The following RPS6KA6 variants were observed in gnomAD, a reference collection of about 807,000 sequenced individuals.
RPS6KA6 encodes ribosomal protein S6 kinase A6, also known as ribosomal protein S6 kinase alpha-6.
Under a neutral mutation model 65.4 loss-of-function variants are expected in RPS6KA6, and 27 were observed. The observed-to-expected ratio is 0.41, with a 90% CI of 0.30 to 0.57. RPS6KA6 has a LOEUF of 0.57. RPS6KA6 is among the 20% of genes least tolerant of loss of function. The probability of loss-of-function intolerance (pLI) is 0.24; values close to 1 mark genes in which losing one functional copy is unlikely to be tolerated. For missense variants in RPS6KA6, 486 were observed against 555.6 expected, an observed-to-expected ratio of 0.87 and a Z score of 1.26; for synonymous variants, 190 against 184.2, an observed-to-expected ratio of 1.03 and a Z score of -0.26.
intron 3 of RPS6KA6, among the ~76,000 whole-genome samples, chrX:84,154,462 A>C: frequency 8.9e-6 from 1 of 111,953 alleles, no homozygotes; most frequent in Non-Finnish European, 1.9e-5. Context: ...ATTTAAGTCA[A>C]ATATTTAAGC....
intron 20 of RPS6KA6, among the ~76,000 whole-genome samples, chrX:84,080,638 C>G (rs1190242441): frequency 9.5e-6 from 1 of 105,214 alleles, no homozygotes; most frequent in Non-Finnish European, 1.9e-5. Flanking sequence ...TAATAGATAT[C>G]TACAGAACTC....
chrX:84,080,000 T>C (rs2033757289), intron 20 of RPS6KA6, among the ~76,000 whole-genome samples: 1 of 111,604 alleles, frequency 9.0e-6, no homozygotes, highest in South Asian at 3.8e-4. Flanking sequence ...CCTCCTCAAG[T>C]AGGTCCCTGG....
At position 84,059,283 on chromosome X, in the gene RPS6KA6, C is replaced by T. The variant is rs1159492246; in HGVS notation, c.*4994G>A. 1 of 108,061 alleles carries T rather than the reference C, an allele frequency of 9.3e-6. No homozygotes were observed. The highest frequency in any genetic ancestry group is 2.9e-4 in the East Asian group (1 of 3,451). The allele number at this position is 108,061 out of a possible 1,213,427, so 8.9% of individuals were successfully genotyped here. A position where few individuals can be genotyped will look rare whatever the true frequency, so the allele number is the denominator to read the frequency against. On this transcript the variant is annotated 3_prime_UTR_variant, in exon 22 of 22. Transcript: ENST00000262752. ...AGTAGCTGGGATTACAGGCATGCGC[C>T]ACCACACCTGGCTAACTTTGTATTT...
intron 1 of RPS6KA6, among the ~76,000 whole-genome samples, chrX:84,184,089 T>C (rs949573376): frequency 1.8e-5 from 2 of 112,495 alleles, no homozygotes; most frequent in African/African-American, 6.5e-5. Flanking sequence ...CAGCCAGATA[T>C]AATAAATGAA....
At position 84,152,924 on chromosome X, in the gene RPS6KA6, A is replaced by G. The variant is rs764220241; in HGVS notation, c.258+3151T>C. 5.4e-5 allele frequency among the ~76,000 whole-genome samples: 6 copies of G among 111,785 alleles called. 1 individual carries two copies. In the South Asian group the frequency reaches 2.2e-3, roughly 41 times the overall value. ...TGGACCTAAAAACGTATCTATATTG[A>G]TAAGAGGCTTCTTTTCAGTCACCCT... On this transcript the variant is annotated intron_variant, in intron 3 of 21. Transcript: ENST00000262752.
chrX:84,167,418 C>T (rs1472753781), intron 1 of RPS6KA6, among the ~76,000 whole-genome samples: 1 of 111,779 alleles, frequency 8.9e-6, no homozygotes, highest in Admixed American at 9.5e-5. Flanking sequence ...AGCGTTTCTG[C>T]TAACTGAAAG....
intron 20 of RPS6KA6, among the ~76,000 whole-genome samples, chrX:84,094,113 G>A (rs1184544633): frequency 9.1e-6 from 1 of 110,016 alleles, no homozygotes; most frequent in Non-Finnish European, 1.9e-5. Flanking sequence ...TATAGAAAGT[G>A]GTGAGGAGCT....
chrX:84,187,876 G>C lies in RPS6KA6; in HGVS notation c.24C>G (p.Asp8Glu). 1.7e-6 allele frequency: 2 copies of C among 1,201,115 alleles called. No homozygotes were observed. The highest frequency in any genetic ancestry group is 4.6e-4 in the Middle Eastern group (2 of 4,312). MLPFAPQ[D>E]EPWDREMEVF... is the part of the protein sequence containing the mutation. ...CTTCCATTTCTCGGTCCCAGGGCTC[G>C]TCCTGAGGAGCGAATGGTAGCATCT... The change falls in exon 1 of 22, where the codon GAC becomes GAG. Residue 8 changes from aspartate to glutamate, a missense_variant. By Grantham distance (45) the Asp-to-Glu change is conservative. Around this residue, in one of 3 missense-constraint regions of RPS6KA6, gnomAD observed 106 missense variants for 105.0 expected, o/e 1.01. Transcript: ENST00000262752.
chrX:84,106,063 T>G (rs1166751787), intron 15 of RPS6KA6, among the ~76,000 whole-genome samples, 187 bp from the exon 16 acceptor site: 1 of 111,518 alleles, frequency 9.0e-6, no homozygotes, highest in Non-Finnish European at 1.9e-5. Flanking sequence ...ATTTTAACAT[T>G]ATATCCTATT....
chrX:84,175,122 A>T (rs1017972814), intron 1 of RPS6KA6, among the ~76,000 whole-genome samples: 2 of 111,582 alleles, frequency 1.8e-5, no homozygotes, highest in African/African-American at 6.5e-5. Context: ...CATTAAAAAT[A>T]TATTATTTGG....
intron 1 of RPS6KA6, among the ~76,000 whole-genome samples, chrX:84,165,602 C>G (rs1384837479): frequency 9.0e-6 from 1 of 110,961 alleles, no homozygotes; most frequent in East Asian, 2.8e-4. Context: ...GGAAAAGACG[C>G]ACTTTTGAGC....
At chrX:84,148,211 TC>T in intron 3 of RPS6KA6, 88 bp from the exon 4 acceptor site, 1 of 496,612 alleles carries the variant, frequency 2.0e-6, no homozygotes, top group Non-Finnish European at 3.3e-6. Flanking sequence ...TACACTTATA[TC>T]CTTGCATTTT....
At chrX:84,173,710 T>A (rs1452944824) in intron 1 of RPS6KA6, among the ~76,000 whole-genome samples, 1 of 111,789 alleles carries the variant, frequency 8.9e-6, no homozygotes, top group Non-Finnish European at 1.9e-5. Context: ...CAGGCTGCAG[T>A]GCAGTGGCAG....
chrX:84,143,208 A>AC (rs2035137934), intron 6 of RPS6KA6, among the ~76,000 whole-genome samples: 1 of 111,405 alleles, frequency 9.0e-6, no homozygotes, highest in African/African-American at 3.2e-5. Context: ...AGACTAAAAA[A>AC]AATTATAATC....
intron 1 of RPS6KA6, among the ~76,000 whole-genome samples, chrX:84,165,775 C>G (rs990514230): frequency 9.0e-6 from 1 of 110,940 alleles, no homozygotes; most frequent in African/African-American, 3.3e-5. Flanking sequence ...GAAGGTAATC[C>G]CTGTTATTTT....
Position 84,105,857 on chromosome X carries a change from C to T in RPS6KA6, c.1385G>A (p.Arg462Gln). Residue 462 changes from arginine to glutamine, a missense_variant, in exon 16 of 22, where the codon CGA (arginine) becomes CAA (glutamine). Coordinates refer to ENST00000262752, the MANE Select transcript of RPS6KA6 (RefSeq NM_014496.5). ...TATTTCAATCTCTTCTGAAGGGTCT[C>T]GCTTACTTTTGTCAATGATCTAAGA... Reference protein sequence around the residue: ...FAVKIIDKSKRDPSEEIEILM... With the variant: ...FAVKIIDKSKQDPSEEIEILM... 1 of 1,149,447 alleles carries T rather than the reference C, an allele frequency of 8.7e-7. No individual in the cohort carries two copies. The highest frequency in any genetic ancestry group is 1.2e-6 in the Non-Finnish European group (1 of 848,418). 94.7% of individuals were successfully genotyped at this position (1,149,447 alleles called of 1,213,427 possible). A position where few individuals can be genotyped will look rare whatever the true frequency, so the allele number is the denominator to read the frequency against.
At chrX:84,145,665 GTTCA>G in intron 5 of RPS6KA6, 108 bp from the exon 6 acceptor site, 1 of 396,267 alleles carries the variant, frequency 2.5e-6, no homozygotes, top group Non-Finnish European at 4.2e-6. Context: ...TACTCACATG[GTTCA>G]TTAATGGATA....
intron 20 of RPS6KA6, among the ~76,000 whole-genome samples, chrX:84,084,812 T>C (rs1311839663): frequency 8.9e-6 from 1 of 112,273 alleles, no homozygotes; most frequent in Non-Finnish European, 1.9e-5. Flanking sequence ...TATGGCCACT[T>C]TCATGATATC....
chrX:84,079,860 G>C (rs1223368471), intron 20 of RPS6KA6, among the ~76,000 whole-genome samples: 1 of 112,174 alleles, frequency 8.9e-6, no homozygotes, highest in African/African-American at 3.2e-5. Context: ...ATCTCCCTGG[G>C]ACAGAGCACC....
Sources: gnomAD v4.1 joint callset for allele counts (sites outside exome capture counted in the v4.1 genomes callset) on GRCh38, gnomAD v4.1.1 for gene constraint, gnomAD v4.1.1 regional missense constraint, MANE v1.5 for transcripts, NCBI Gene and HGNC (gene_info 2026-07-23, HGNC 2026-07-21) for gene names.